DMD: variants seen among roughly 807,000 people sequenced by gnomAD.
DMD encodes the protein mutant dystrophin.
A neutral mutation model predicts 330.1 loss-of-function variants in DMD; 63 were observed. The observed-to-expected ratio is 0.19, with a 90% confidence interval of 0.16 to 0.24. The LOEUF (loss-of-function observed/expected upper bound fraction) is 0.24, where lower values mean the gene tolerates loss of function less well. Ranked by LOEUF, DMD falls within the 10% of genes least tolerant of loss-of-function variation. DMD has a pLI of 1.00. For synonymous variants in DMD, 1,223 were observed against 959.8 expected, an observed-to-expected ratio of 1.27 and a Z score of -5.07; for missense variants, 3,344 against 2,684.1, an observed-to-expected ratio of 1.25 and a Z score of -5.43.
At chrX:31,989,045 G>A (rs2095531447) in intron 44 of DMD, among the ~76,000 whole-genome samples, 4 of 112,218 alleles carry the variant, frequency 3.6e-5, no homozygotes, top group African/African-American at 1.3e-4. Flanking sequence ...AGGAAAAGAT[G>A]GGTGTTCCAG....
intron 51 of DMD, among the ~76,000 whole-genome samples, chrX:31,761,201 A>G (rs1198771802): frequency 9.0e-6 from 1 of 111,054 alleles, no homozygotes; most frequent in Non-Finnish European, 1.9e-5. Context: ...TAGTATCTTA[A>G]TACTCATTAT....
At chrX:31,340,111 G>A (rs187892019) in intron 61 of DMD, among the ~76,000 whole-genome samples, 1 of 112,330 alleles carries the variant, frequency 8.9e-6, no homozygotes, top group African/African-American at 3.2e-5. Flanking sequence ...CAAACTGCTA[G>A]GCCCTATGTA....
At chrX:32,226,176 GCTCT>G (rs1569551920) in intron 43 of DMD, among the ~76,000 whole-genome samples, 1 of 111,325 alleles carries the variant, frequency 9.0e-6, no homozygotes, top group Non-Finnish European at 1.9e-5. Flanking sequence ...GTTTCTCAGC[GCTCT>G]CTAACAGACA....
At chrX:32,695,776 G>A (rs920478217) in intron 9 of DMD, among the ~76,000 whole-genome samples, 1 of 111,769 alleles carries the variant, frequency 8.9e-6, no homozygotes, top group African/African-American at 3.3e-5. Context: ...ATTAAATTAT[G>A]TTGATAAAAG....
At chrX:33,316,168 A>G (rs2053930390) in intron 1 of DMD, among the ~76,000 whole-genome samples, 1 of 110,846 alleles carries the variant, frequency 9.0e-6, no homozygotes, top group Admixed American at 9.7e-5. Context: ...CTTTCATCTA[A>G]GAGTACAAGA....
intron 9 of DMD, among the ~76,000 whole-genome samples, chrX:32,673,747 C>T (rs1363330103): frequency 8.9e-6 from 1 of 111,924 alleles, no homozygotes; most frequent in Non-Finnish European, 1.9e-5. Context: ...TTGGCTATGC[C>T]CTCTACCCCA....
rs778001335 is a variant in DMD, at chrX:32,806,379, C to A, written c.649+3114G>T. ...GGGCATTACATAATGGTAAAGGGAT[C>A]AATGCAATAAGAAGTCCTAACTATC... is the stretch of plus-strand genomic sequence containing the variant. On this transcript the variant is annotated intron_variant, in intron 7 of 78. Coordinates refer to ENST00000357033, the MANE Select transcript of DMD (RefSeq NM_004006.3). Among the ~76,000 whole-genome samples the A allele has an allele frequency of 1.3e-4, 15 of 111,435 alleles. No individual in the cohort carries two copies. The South Asian group carries it at 3.7e-3, about 28-fold the overall frequency.
intron 2 of DMD, among the ~76,000 whole-genome samples, chrX:32,881,495 A>C (rs1181626377): frequency 1.8e-5 from 2 of 112,161 alleles, no homozygotes; most frequent in Non-Finnish European, 1.9e-5. Context: ...ACTCTCAAAA[A>C]TAAGTTAAAT....
chrX:32,428,307 T>G (rs1244810651), intron 29 of DMD, among the ~76,000 whole-genome samples: 1 of 112,192 alleles, frequency 8.9e-6, no homozygotes, highest in East Asian at 2.8e-4. Flanking sequence ...GTCAAGTTTT[T>G]ACTATTGATT....
At chrX:32,953,145 A>G (rs1435069909) in intron 2 of DMD, among the ~76,000 whole-genome samples, 5 of 109,077 alleles carry the variant, frequency 4.6e-5, no homozygotes, top group East Asian at 2.9e-4. Context: ...AAAAAAAAAA[A>G]AAAAAGAAGA....
At chrX:32,661,669 T>A (rs2060957014) in intron 9 of DMD, among the ~76,000 whole-genome samples, 1 of 111,793 alleles carries the variant, frequency 8.9e-6, no homozygotes, top group South Asian at 3.7e-4. Flanking sequence ...GATAGATTTC[T>A]TTGATTCATC....
intron 1 of DMD, among the ~76,000 whole-genome samples, chrX:33,198,357 A>G (rs1289482095): frequency 9.0e-6 from 1 of 111,059 alleles, no homozygotes; most frequent in Non-Finnish European, 1.9e-5. Context: ...AAGATAGATT[A>G]AGGAAAGAAA....
At chrX:32,383,215 G>GATC (rs776315475) in intron 33 of DMD, among the ~76,000 whole-genome samples, 1 of 110,394 alleles carries the variant, frequency 9.1e-6, no homozygotes, top group East Asian at 2.8e-4. Context: ...GAATGAAATG[G>GATC]ATCAGCACCT....
chrX:33,087,501 A>T (rs1178378856), intron 1 of DMD, among the ~76,000 whole-genome samples: 4 of 111,958 alleles, frequency 3.6e-5, no homozygotes, highest in African/African-American at 9.7e-5. Context: ...GATTTGTATG[A>T]TACATTTCCA....
chrX:32,608,208 ATTT>A (rs1190522278), intron 12 of DMD, among the ~76,000 whole-genome samples: 2 of 110,232 alleles, frequency 1.8e-5, no homozygotes, highest in African/African-American at 6.5e-5. Flanking sequence ...TATTATTATT[ATTT>A]TAATAATCTA....
chrX:32,565,969 A>C (rs1023243791), intron 15 of DMD, 88 bp from the exon 16 acceptor site: 1 of 808,180 alleles, frequency 1.2e-6, no homozygotes, highest in Non-Finnish European at 1.8e-6. Context: ...GTATTTGCTC[A>C]TTTGCATAGA....
chrX:32,968,525 C>G (rs1197536360), intron 2 of DMD, among the ~76,000 whole-genome samples: 1 of 111,424 alleles, frequency 9.0e-6, no homozygotes, highest in African/African-American at 3.3e-5. Flanking sequence ...TGCATATATA[C>G]AAAGTGAACA....
At chrX:32,243,759 T>G (rs1365550349) in intron 43 of DMD, among the ~76,000 whole-genome samples, 1 of 111,537 alleles carries the variant, frequency 9.0e-6, no homozygotes, top group Non-Finnish European at 1.9e-5. Flanking sequence ...ATTTAACAAG[T>G]ATTTCCAGCA....
chrX:32,484,422 T>G (rs925726111), intron 21 of DMD, among the ~76,000 whole-genome samples: 1 of 112,272 alleles, frequency 8.9e-6, no homozygotes, highest in Non-Finnish European at 1.9e-5. Context: ...AAATAGGATT[T>G]ATGTAATTAT....
Sources: gnomAD v4.1 joint callset for allele counts (sites outside exome capture counted in the v4.1 genomes callset) on GRCh38, gnomAD v4.1.1 for gene constraint, MANE v1.5 for transcripts, NCBI Gene and HGNC (gene_info 2026-07-23, HGNC 2026-07-21) for gene names.